The following SORCS1 variants were observed in gnomAD, a reference collection of about 807,000 sequenced individuals.
The protein encoded by SORCS1 is sortilin related VPS10 domain containing receptor 1.
SORCS1 carries 60 observed loss-of-function variants against 146.1 expected under a neutral mutation model. The ratio of observed to expected loss-of-function variants is 0.41; its 90% CI spans 0.33 to 0.51. The LOEUF is 0.51. Ranked by LOEUF, SORCS1 falls within the 20% of genes least tolerant of loss-of-function variation. SORCS1 has a pLI of 0.21. For missense variants in SORCS1, 1,352 were observed against 1,487.6 expected (o/e 0.91, Z 1.50); for synonymous variants, 637 against 584.0 (o/e 1.09, Z -1.31).
At chr10:106,681,897 G>A (rs1235845573) in intron 10 of SORCS1, among the ~76,000 whole-genome samples, 2 of 152,306 alleles carry the variant, frequency 1.3e-5, no homozygotes, top group Non-Finnish European at 1.5e-5. Context: ...GGAGGCCAAG[G>A]TGGGTGGATC....
At chr10:106,653,945 A>G (rs1207934949) in intron 17 of SORCS1, among the ~76,000 whole-genome samples, 1 of 152,226 alleles carries the variant, frequency 6.6e-6, no homozygotes, top group Non-Finnish European at 1.5e-5. Flanking sequence ...CTGGGCATGA[A>G]GCCCTGCACT....
chr10:107,026,755 C>A (rs779155861), intron 1 of SORCS1, among the ~76,000 whole-genome samples: 1 of 152,024 alleles, frequency 6.6e-6, no homozygotes, highest in Non-Finnish European at 1.5e-5. Flanking sequence ...CCTGCCATGC[C>A]ATGACCCTTC....
rs193063851 is a variant in SORCS1, at chr10:106,672,687, A to C, written c.2058+181T>G. Reference sequence around the variant, plus strand: ...TCCTAGCACAATAAAAACAGAAATGACTTCACAACAAGCTATTAATGGTGA... The same window carrying C: ...TCCTAGCACAATAAAAACAGAAATGCCTTCACAACAAGCTATTAATGGTGA... On this transcript the variant is annotated intron_variant, in intron 15 of 25. Coordinates refer to ENST00000263054, the MANE Select transcript of SORCS1 (RefSeq NM_052918.5). Among the ~76,000 whole-genome samples, 305 of 152,328 alleles carry C rather than the reference A, an allele frequency of 2.0e-3. 3 individuals are homozygous for C. The highest frequency in any genetic ancestry group is 7.0e-3 in the African/African-American group (293 of 41,566).
chr10:106,838,314 C>T (rs1428303341), intron 2 of SORCS1, among the ~76,000 whole-genome samples: 1 of 152,140 alleles, frequency 6.6e-6, no homozygotes, highest in Non-Finnish European at 1.5e-5. Context: ...CACAGCAAAA[C>T]AGAGTGGAAA....
chr10:106,830,980 G>A (rs1194683745), intron 2 of SORCS1, among the ~76,000 whole-genome samples: 1 of 152,088 alleles, frequency 6.6e-6, no homozygotes, highest in African/African-American at 2.4e-5. Context: ...AGGTCACGAG[G>A]TCAGGAGTTT....
intron 23 of SORCS1, among the ~76,000 whole-genome samples, chr10:106,604,369 CCT>C (rs1183458035): frequency 6.6e-6 from 1 of 152,118 alleles, no homozygotes; most frequent in African/African-American, 2.4e-5. Context: ...AGGAGACTCC[CCT>C]GTCTCACAGG....
chr10:106,709,379 G>T (rs1197675738), intron 6 of SORCS1, 38 bp from the exon 7 acceptor site: 2 of 1,328,308 alleles, frequency 1.5e-6, no homozygotes, highest in African/African-American at 1.5e-5. Context: ...ATGGGGTTGA[G>T]GGGGATATAC....
At chr10:107,150,773 A>G (rs922212810) in intron 1 of SORCS1, among the ~76,000 whole-genome samples, 1 of 152,174 alleles carries the variant, frequency 6.6e-6, no homozygotes, top group African/African-American at 2.4e-5. Context: ...TGGTTTTACA[A>G]GGGGCTTTTC....
At chr10:106,720,653 A>C (rs1229895064) in intron 6 of SORCS1, among the ~76,000 whole-genome samples, 2 of 151,712 alleles carry the variant, frequency 1.3e-5, no homozygotes, top group African/African-American at 4.8e-5. Context: ...TGCATGTTAT[A>C]TGGAGTGCTG....
At chr10:106,891,501 A>ATTTTTTTTTTTTTTTTT (rs562213104) in intron 2 of SORCS1, among the ~76,000 whole-genome samples, 8 of 74,092 alleles carry the variant, frequency 1.1e-4, no homozygotes, top group East Asian at 4.5e-4. Flanking sequence ...TTCAATGGGA[A>ATTTTTTTTTTTTTTTTT]TTCTTTTTTT....
chr10:107,133,690 CTG>C (rs2134653788), intron 1 of SORCS1, among the ~76,000 whole-genome samples: 1 of 152,296 alleles, frequency 6.6e-6, no homozygotes, highest in South Asian at 2.1e-4. Flanking sequence ...TCCCTTGTGT[CTG>C]TTTCACCAGC....
At chr10:107,101,341 C>T (rs758544804) in intron 1 of SORCS1, among the ~76,000 whole-genome samples, 21 of 152,166 alleles carry the variant, frequency 1.4e-4, no homozygotes, top group African/African-American at 2.7e-4. Context: ...CCACCGTGCC[C>T]GGTCTATTTT....
At chr10:107,150,615 T>C (rs890576195) in intron 1 of SORCS1, among the ~76,000 whole-genome samples, 1 of 152,222 alleles carries the variant, frequency 6.6e-6, no homozygotes, top group Non-Finnish European at 1.5e-5. Context: ...CTGATATGGT[T>C]TGGCTGTGTC....
chr10:107,035,105 C>A (rs941883041), intron 1 of SORCS1, among the ~76,000 whole-genome samples: 1 of 151,288 alleles, frequency 6.6e-6, no homozygotes, highest in East Asian at 1.9e-4. Context: ...TCATTACCAC[C>A]TTTTTTTTAA....
chr10:106,782,209 C>T lies in SORCS1; in HGVS notation c.727-5517G>A, dbSNP rs562550588. Among the ~76,000 whole-genome samples the T allele has an allele frequency of 4.6e-5, 7 of 152,256 alleles. No individual in the cohort carries two copies. The South Asian group carries it at 1.5e-3, about 32-fold the overall frequency. On this transcript the variant is annotated intron_variant, in intron 3 of 25. Coordinates refer to ENST00000263054, the MANE Select transcript of SORCS1 (RefSeq NM_052918.5). ...AGAGTTTATTCTGTCCTTTTGATTT[C>T]AAACTGGTTTTCTAATGAGGATCCA...
At chr10:106,581,402 T>C (rs1844905325) in intron 24 of SORCS1, among the ~76,000 whole-genome samples, 1 of 151,516 alleles carries the variant, frequency 6.6e-6, no homozygotes, top group Non-Finnish European at 1.5e-5. Context: ...GTAAAAGACA[T>C]ATTTCTGAGG....
At chr10:107,173,268 TAC>T in the SORCS1 span, among the ~76,000 whole-genome samples, 1 of 152,182 alleles carries the variant, frequency 6.6e-6, no homozygotes, top group Admixed American at 6.5e-5. Context: ...AGTACAAAGT[TAC>T]AGTTATATAG....
chr10:106,645,624 T>C (rs968140925), intron 18 of SORCS1, among the ~76,000 whole-genome samples: 2 of 152,200 alleles, frequency 1.3e-5, no homozygotes, highest in Non-Finnish European at 2.9e-5. Context: ...TTCTGAGTCA[T>C]TTGTGCATTT....
intron 24 of SORCS1, among the ~76,000 whole-genome samples, chr10:106,579,857 G>A (rs934735692): frequency 4.6e-5 from 7 of 151,992 alleles, no homozygotes; most frequent in Admixed American, 1.3e-4. Context: ...TGTATGTTAC[G>A]CATTGAGAAA....
Sources: allele counts gnomAD v4.1 joint callset (sites outside exome capture counted in the v4.1 genomes callset), GRCh38; gene constraint gnomAD v4.1.1; transcripts MANE v1.5; gene names NCBI Gene and HGNC (gene_info 2026-07-23, HGNC 2026-07-21).